The following SPAG17 variants were observed in gnomAD, a reference collection of about 807,000 sequenced individuals.
The protein encoded by SPAG17 is sperm associated antigen 17.
In SPAG17, 169 loss-of-function variants were observed where a neutral mutation model predicts 273.6. The observed-to-expected ratio is 0.62, with a 90% CI of 0.55 to 0.70. SPAG17 has a LOEUF of 0.70. Among genes scored for constraint, SPAG17 ranks in the 30% least tolerant of loss-of-function variants. The probability of loss-of-function intolerance (pLI) is 0.00; values close to 1 mark genes in which losing one functional copy is unlikely to be tolerated. For missense variants in SPAG17, 2,557 were observed against 2,627.8 expected (o/e 0.97, Z 0.59); for synonymous variants, 825 against 873.2 (o/e 0.94, Z 0.97).
intron 15 of SPAG17, among the ~76,000 whole-genome samples, chr1:118,078,993 T>C (rs1026089630): frequency 6.6e-5 from 10 of 152,102 alleles, no homozygotes; most frequent in Admixed American, 2.6e-4. Flanking sequence ...TGCATCTATG[T>C]TCGTGAATGA....
At chr1:117,955,423 A>G (rs1652057752) in intron 48 of SPAG17, 1 of 1,432,968 alleles carries the variant, frequency 7.0e-7, no homozygotes, top group Non-Finnish European at 9.7e-7. Flanking sequence ...TGCTTATCTG[A>G]ACGGGAAATA....
chr1:117,988,376 T>G (rs770181574), intron 38 of SPAG17, among the ~76,000 whole-genome samples, 172 bp from the exon 39 acceptor site: 2 of 152,194 alleles, frequency 1.3e-5, no homozygotes, highest in Non-Finnish European at 2.9e-5. Flanking sequence ...CTAGACTACT[T>G]TTATGAAATA....
At chr1:118,120,661 G>T (rs1298858054) in intron 3 of SPAG17, among the ~76,000 whole-genome samples, 1 of 152,180 alleles carries the variant, frequency 6.6e-6, no homozygotes, top group African/African-American at 2.4e-5. Context: ...CAAGAAACTT[G>T]TCTTTGTTTG....
Position 118,012,227 on chromosome 1 carries a change from C to T in SPAG17, c.4432+1G>A. On this transcript the variant is annotated splice_donor_variant, in intron 30 of 48. Transcript: ENST00000336338. LOFTEE classifies it high-confidence loss of function. ...TCATGTACTCAGAAAATAAAACATA[C>T]TTGTTTCTTGATCATCTGGCAGAAT... The T allele has an allele frequency of 4.3e-6, 7 of 1,611,894 alleles. No homozygotes were observed. Among genetic ancestry groups the T allele is most frequent in the Non-Finnish European group, 5.9e-6 (7 of 1,178,722 alleles).
At chr1:118,047,537 A>T (rs549891002) in intron 20 of SPAG17, among the ~76,000 whole-genome samples, 16 of 152,212 alleles carry the variant, frequency 1.1e-4, no homozygotes, top group South Asian at 8.3e-4. Context: ...CCCAGGCTTC[A>T]GGCCTGCCCC....
chr1:117,964,222 C>T (rs1653505040), intron 47 of SPAG17: 1 of 207,954 alleles, frequency 4.8e-6, no homozygotes, highest in Non-Finnish European at 9.6e-6. Flanking sequence ...ACCATATCTA[C>T]ATCAGATTTC....
chr1:118,004,384 G>T (rs574571566), intron 32 of SPAG17, among the ~76,000 whole-genome samples: 58 of 152,348 alleles, frequency 3.8e-4, no homozygotes, highest in African/African-American at 1.3e-3. Flanking sequence ...TGCAGAAGTT[G>T]TCTGCTGCCT....
At position 118,115,455 on chromosome 1, in the gene SPAG17, C is replaced by A. The variant is rs1165078674; in HGVS notation, c.316-14G>T. ...TGCCGTTAACACCTATACAGAAACA[C>A]AATTATTAGAAAAAGTGATGTTTTA... is the stretch of plus-strand genomic sequence containing the variant. On this transcript the variant is annotated splice_polypyrimidine_tract_variant and intron_variant, in intron 3 of 48. Transcript: ENST00000336338. 6.3e-7 allele frequency: 1 copy of A among 1,594,708 alleles called. No homozygotes were observed. Among genetic ancestry groups the A allele is most frequent in the South Asian group, 1.1e-5 (1 of 87,848 alleles).
At chr1:118,000,226 C>A (rs1214098522) in intron 32 of SPAG17, among the ~76,000 whole-genome samples, 4 of 152,090 alleles carry the variant, frequency 2.6e-5, no homozygotes, top group Admixed American at 2.6e-4. Context: ...GTAACTGTAG[C>A]CTTGTAGTAT....
chr1:118,004,409 C>T lies in SPAG17; in HGVS notation c.4776+1005G>A, dbSNP rs1004426879. 5.3e-5 allele frequency among the ~76,000 whole-genome samples: 8 copies of T among 152,352 alleles called. No individual in the cohort carries two copies. In the South Asian group the frequency reaches 1.2e-3, roughly 24 times the overall value. ...GTCTGCTGCCTTTCGTTCAGCTAAG[C>T]CCTGCCCACAGAGGTGGAGACTAGA... On this transcript the variant is annotated intron_variant, in intron 32 of 48. Transcript: ENST00000336338.
chr1:117,989,580 C>A (rs1186398471), intron 38 of SPAG17, among the ~76,000 whole-genome samples: 1 of 151,884 alleles, frequency 6.6e-6, no homozygotes, highest in Non-Finnish European at 1.5e-5. Context: ...AATTTCTTTT[C>A]TTTTCTATTT....
intron 1 of SPAG17, among the ~76,000 whole-genome samples, chr1:118,168,914 T>A (rs778700207): frequency 5.3e-5 from 8 of 152,102 alleles, no homozygotes; most frequent in Non-Finnish European, 1.0e-4. Context: ...ACCATTTGAC[T>A]GGAGTAGAGG....
chr1:118,036,712 A>T (rs1423442593), intron 24 of SPAG17, 58 bp downstream of exon 24: 1 of 1,098,774 alleles, frequency 9.1e-7, no homozygotes, highest in Non-Finnish European at 1.3e-6. Flanking sequence ...GAGAATGGGC[A>T]GTGGCAGGGA....
chr1:118,028,494 C>T, intron 25 of SPAG17, 100 bp from the exon 26 acceptor site: 5 of 1,478,328 alleles, frequency 3.4e-6, no homozygotes, highest in Non-Finnish European at 4.6e-6. Context: ...CAGGACATGA[C>T]TTGCACAGAG....
At chr1:117,990,715 C>A (rs1466859601) in intron 38 of SPAG17, 146 bp downstream of exon 38, 3 of 494,250 alleles carry the variant, frequency 6.1e-6, no homozygotes, top group Non-Finnish European at 7.4e-6. Context: ...AAATATAAAC[C>A]ACCACAACAC....
intron 1 of SPAG17, among the ~76,000 whole-genome samples, chr1:118,170,196 G>A (rs1334587514): frequency 6.6e-6 from 1 of 152,036 alleles, no homozygotes; most frequent in East Asian, 1.9e-4. Flanking sequence ...ATAGAGTTTG[G>A]GTGTATACTA....
chr1:118,112,225 T>C (rs1656804579), intron 4 of SPAG17, among the ~76,000 whole-genome samples: 1 of 151,954 alleles, frequency 6.6e-6, no homozygotes, highest in Non-Finnish European at 1.5e-5. Flanking sequence ...TAATATATAA[T>C]ACAAAAGTTG....
At chr1:118,022,977 A>G (rs1254953264) in intron 28 of SPAG17, among the ~76,000 whole-genome samples, 4 of 152,174 alleles carry the variant, frequency 2.6e-5, no homozygotes, top group Non-Finnish European at 4.4e-5. Context: ...GTTCAAGAGA[A>G]TCACAGAGAT....
intron 46 of SPAG17, 64 bp downstream of exon 46, chr1:117,969,992 G>T: frequency 6.8e-7 from 1 of 1,478,160 alleles, no homozygotes; most frequent in Non-Finnish European, 9.3e-7. Context: ...CACTTCACTG[G>T]AAACCTATAC....
Sources: allele counts gnomAD v4.1 joint callset (sites outside exome capture counted in the v4.1 genomes callset), GRCh38; gene constraint gnomAD v4.1.1; transcripts MANE v1.5; gene names NCBI Gene and HGNC (gene_info 2026-07-23, HGNC 2026-07-21).